NDST2: variants seen among roughly 807,000 people sequenced by gnomAD.
NDST2 encodes bifunctional heparan sulfate N-deacetylase/N-sulfotransferase 2.
Under a neutral mutation model 86.9 loss-of-function variants are expected in NDST2, and 32 were observed. That is an observed-to-expected ratio of 0.37 (90% CI 0.28 to 0.49). The LOEUF (loss-of-function observed/expected upper bound fraction) is 0.49. NDST2 is among the 20% of genes least tolerant of loss of function. NDST2 has a pLI of 0.97. For synonymous variants in NDST2, 409 were observed against 437.0 expected (o/e 0.94, Z 0.80); for missense variants, 950 against 1,146.9 (o/e 0.83, Z 2.48).
intron 12 of NDST2, 31 bp downstream of exon 12, chr10:73,803,158 A>G (rs1457932029): frequency 6.2e-7 from 1 of 1,613,552 alleles, no homozygotes; most frequent in Non-Finnish European, 8.5e-7. Flanking sequence ...GGGAAGGGGA[A>G]CCCCACTGAG....
chr10:73,806,016 G>A lies in NDST2; in HGVS notation c.1447C>T (p.Gln483Ter). 6.2e-7 allele frequency: 1 copy of A among 1,613,772 alleles called. No individual in the cohort carries two copies. Among genetic ancestry groups the A allele is most frequent in the Non-Finnish European group, 8.5e-7 (1 of 1,179,908 alleles). The change falls in exon 7 of 15, where the codon CAG becomes TAG. Residue 483 changes from glutamine to a stop codon, truncating the protein, a stop_gained. Transcript: ENST00000309979. LOFTEE classifies it high-confidence loss of function. This position sits in a 1 kb window ranked among gnomAD's most constrained non-coding sequence, Gnocchi z 4.5. ...GTGTGAGTGAAGAGGCCACATGTCTGCCGGGGCAGCACCTGGAGGGAAAAG... is the reference window on the plus strand; with the variant it reads ...GTGTGAGTGAAGAGGCCACATGTCTACCGGGGCAGCACCTGGAGGGAAAAG... ...IHNGIMVLPR[Q>*]TCGLFTHTIF...
Position 73,806,763 on chromosome 10 carries a change from T to C in NDST2, c.1142A>G (p.Lys381Arg). 4 of 1,614,090 alleles carry C rather than the reference T, an allele frequency of 2.5e-6. No individual in the cohort carries two copies. The highest frequency in any genetic ancestry group is 3.4e-6 in the Non-Finnish European group (4 of 1,180,014). The change falls in exon 5 of 15, where the codon AAA becomes AGA. Residue 381 changes from lysine (K) to arginine (R), a missense_variant. By Grantham distance (26) the Lys-to-Arg change is conservative. Coordinates refer to ENST00000309979, the MANE Select transcript of NDST2 (RefSeq NM_003635.4). The surrounding 1 kb of genome is among the most constrained non-coding windows in gnomAD (Gnocchi z 4.5). ...AGDDMLLKHR[K>R]EFWWFPHMWS... Reference sequence around the variant, plus strand: ...CATGTGGGGGAACCACCAGAACTCTTTGCGGTGCTTCAGCAGCATGTCGTC... The same window carrying C: ...CATGTGGGGGAACCACCAGAACTCTCTGCGGTGCTTCAGCAGCATGTCGTC...
intron 11 of NDST2, 100 bp from the exon 12 acceptor site, chr10:73,803,459 C>CA: frequency 6.5e-7 from 1 of 1,545,624 alleles, no homozygotes; most frequent in Non-Finnish European, 8.9e-7. Flanking sequence ...GGTACCCGTC[C>CA]CCAAGGCACT....
Position 73,803,354 on chromosome 10 carries a change from C to G in NDST2, c.2148G>C (p.Gln716His). Residue 716 changes from glutamine (Q) to histidine (H), a missense_variant, in exon 12 of 15, where the codon CAG becomes CAC. Around this residue, in one of 5 missense-constraint regions of NDST2, gnomAD observed 303 missense variants for 323.7 expected, o/e 0.94. Transcript: ENST00000309979. ...GAGCAACTGGGTCTCCATGGGCTCGCTGATGCTGAAGGACAAAGAGAAGGA... is the reference window on the plus strand; with the variant it reads ...GAGCAACTGGGTCTCCATGGGCTCGGTGATGCTGAAGGACAAAGAGAAGGA... ...ADRAYSWYQH[Q>H]RAHGDPVALN... The G allele has an allele frequency of 1.2e-6, 2 of 1,614,174 alleles. No individual in the cohort carries two copies. The highest frequency in any genetic ancestry group is 1.7e-6 in the Non-Finnish European group (2 of 1,180,016).
Position 73,806,324 on chromosome 10 carries a change from G to A in NDST2, c.1399C>T (p.Arg467Cys), listed in dbSNP as rs146157926. The part of the protein sequence containing the change: ...TEEYPHLRPA[R>C]YRRGFIHNGI... ...TTGTGAATGAAGCCACGGCGGTAGC[G>A]GGCAGGGCGGAGATGGGGATACTCC... Residue 467 changes from arginine (R) to cysteine (C), a missense_variant, in exon 6 of 15, where the codon CGC (arginine) becomes TGC (cysteine). This residue lies in a region of NDST2 where 586 missense variants were observed against 714.0 expected (regional missense o/e 0.82). Coordinates refer to ENST00000309979, the MANE Select transcript of NDST2 (RefSeq NM_003635.4). The surrounding 1 kb of genome is among the most constrained non-coding windows in gnomAD (Gnocchi z 4.5). 1.7e-5 allele frequency: 28 copies of A among 1,613,950 alleles called. No individual in the cohort carries two copies. The highest frequency in any genetic ancestry group is 4.5e-5 in the East Asian group (2 of 44,886).
intron 8 of NDST2, among the ~76,000 whole-genome samples, 174 bp from the exon 9 acceptor site, chr10:73,805,043 G>A (rs1589611736): frequency 6.6e-6 from 1 of 151,856 alleles, no homozygotes; most frequent in East Asian, 2.0e-4. Context: ...TGGGATTATA[G>A]GCAATGTGCC....
In NDST2 at chr10:73,802,086, C is replaced by G. The variant is rs2083990082; in HGVS notation, c.*365G>C. The G allele has an allele frequency of 5.4e-6, 2 of 373,196 alleles. No homozygotes were observed. The highest frequency in any genetic ancestry group is 2.5e-5 in the South Asian group (1 of 39,484). The allele number at this position is 373,196 out of a possible 1,614,324, so 23.1% of individuals were successfully genotyped here. ...AAAGGGGCCATAGCAAGGGGTCCCT[C>G]CCATGCAAGGGGTCTCTCCCATAGC... On this transcript the variant is annotated 3_prime_UTR_variant, in exon 15 of 15. Transcript: ENST00000309979.
Position 73,806,092 on chromosome 10 carries a change from T to C in NDST2, c.1435-64A>G. 3 of 1,591,328 alleles carry C rather than the reference T, an allele frequency of 1.9e-6. No homozygotes were observed. The highest frequency in any genetic ancestry group is 2.6e-6 in the Non-Finnish European group (3 of 1,165,990). On this transcript the variant is annotated intron_variant, in intron 6 of 14. Coordinates refer to ENST00000309979, the MANE Select transcript of NDST2 (RefSeq NM_003635.4). The surrounding 1 kb of genome is among the most constrained non-coding windows in gnomAD (Gnocchi z 4.5). Reference sequence around the variant, plus strand: ...AGAATGAGAAGTAGATGGAGGACACTGGGATTTATAGAGGACTGAGTCTGA... The same window carrying C: ...AGAATGAGAAGTAGATGGAGGACACCGGGATTTATAGAGGACTGAGTCTGA...
rs2084109606 is a variant in NDST2 at position 73,806,718 on chromosome 10, T to C, written c.1187A>G (p.His396Arg). 2 of 1,614,040 alleles carry C rather than the reference T, an allele frequency of 1.2e-6. No homozygotes were observed. Among genetic ancestry groups the C allele is most frequent in the Admixed American group, 1.7e-5 (1 of 59,998 alleles). Residue 396 changes from histidine to arginine, a missense_variant, in exon 5 of 15, where the codon CAC becomes CGC. Transcript: ENST00000309979. The surrounding 1 kb of genome is among the most constrained non-coding windows in gnomAD (Gnocchi z 4.5). ...CAGCACGGAGCGATTGTGGAACAGG[T>C]GTGGCTGCATGTGGCTCCACATGTG... Reference protein sequence around the residue: ...FPHMWSHMQPHLFHNRSVLAD... With the variant: ...FPHMWSHMQPRLFHNRSVLAD...
At chr10:73,807,064 AGG>A (rs367633572) in intron 4 of NDST2, 42 bp downstream of exon 4, 1 of 1,558,128 alleles carries the variant, frequency 6.4e-7, no homozygotes, top group East Asian at 2.2e-5. Flanking sequence ...GTGAAGGGAC[AGG>A]TCAAACTATG....
In NDST2 at chr10:73,807,802, C is replaced by G. The variant is rs757975846; in HGVS notation, c.587G>C (p.Gly196Ala). The change falls in exon 3 of 15, where the codon GGG (glycine) becomes GCG (alanine). Residue 196 changes from glycine to alanine, a missense_variant. Physicochemically the swap from Gly to Ala is moderately conservative, Grantham distance 60 (BLOSUM62 0). Coordinates refer to ENST00000309979, the MANE Select transcript of NDST2 (RefSeq NM_003635.4). ...GFPLFLHSNL[G>A]LRDYQVNPSA... ...AGGATTCACTTGGTAGTCCCGGAGC[C>G]CCAAGTTTGAGTGTAAAAAAAGGGG... is the stretch of plus-strand genomic sequence containing the variant. 1.9e-6 allele frequency: 3 copies of G among 1,614,066 alleles called. No individual in the cohort carries two copies. In the South Asian group the frequency reaches 3.3e-5, roughly 18 times the overall value.
Position 73,807,927 on chromosome 10 carries a change from C to T in NDST2, c.462G>A (p.Arg154=), listed in dbSNP as rs1222734671. Residue 154 remains arginine (R), a synonymous_variant, in exon 3 of 15, where the codon CGG becomes CGA. Coordinates refer to ENST00000309979, the MANE Select transcript of NDST2 (RefSeq NM_003635.4). The part of the protein sequence containing the change: ...LKYVNLDAWS[R]ELLDRYCVEY... ...CCACGCAGTACCGGTCTAGCAGTTC[C>T]CGACTCCAGGCATCCAGGTTGACAT... 1.9e-6 allele frequency: 3 copies of T among 1,614,114 alleles called. No individual in the cohort carries two copies. Among genetic ancestry groups the T allele is most frequent in the African/African-American group, 1.3e-5 (1 of 74,942 alleles).
At position 73,802,654 on chromosome 10, in the gene NDST2, C is replaced by G. The variant is rs955358695; in HGVS notation, c.2526+20G>C. On this transcript the variant is annotated intron_variant, in intron 14 of 14. Coordinates refer to ENST00000309979, the MANE Select transcript of NDST2 (RefSeq NM_003635.4). Reference sequence around the variant, plus strand: ...ATCCTGGAAGTGGAGAGGGATTCCCCTGCCCCTGGCTTTACTTACCTCAGT... The same window carrying G: ...ATCCTGGAAGTGGAGAGGGATTCCCGTGCCCCTGGCTTTACTTACCTCAGT... 2 of 1,614,004 alleles carry G rather than the reference C, an allele frequency of 1.2e-6. No homozygotes were observed. Among genetic ancestry groups the G allele is most frequent in the Non-Finnish European group, 1.7e-6 (2 of 1,179,956 alleles).
chr10:73,807,625 G>T lies in NDST2; in HGVS notation c.764C>A (p.Pro255Gln), dbSNP rs141985408. ...GGGAAGCCGGGCCCGACGAAGAACT[G>T]GTCCTGGCACTGCGGGCTCAGCTGG... Reference protein sequence around the residue: ...LRPAEPAVPGPVLRRARLPTV... With the variant: ...LRPAEPAVPGQVLRRARLPTV... The change falls in exon 3 of 15, where the codon CCA (proline) becomes CAA (glutamine). Residue 255 changes from proline to glutamine, a missense_variant. Pro to Gln is a moderately conservative substitution (Grantham distance 76). Coordinates refer to ENST00000309979, the MANE Select transcript of NDST2 (RefSeq NM_003635.4). 98 of 1,614,230 alleles carry T rather than the reference G, an allele frequency of 6.1e-5. No individual in the cohort carries two copies. In the African/African-American group the frequency reaches 1.1e-3, roughly 17 times the overall value.
At chr10:73,804,965 A>C (rs2084073556) in intron 8 of NDST2, 96 bp from the exon 9 acceptor site, 1 of 622,636 alleles carries the variant, frequency 1.6e-6, no homozygotes, top group Non-Finnish European at 2.8e-6. Context: ...GCAATGCATG[A>C]TCTCGGCTCA....
intron 2 of NDST2, among the ~76,000 whole-genome samples, chr10:73,810,322 G>C (rs1316732909): frequency 1.3e-5 from 2 of 152,132 alleles, no homozygotes; most frequent in African/African-American, 2.4e-5. Context: ...GATGGGCATG[G>C]TGGTGGGCGC....
intron 8 of NDST2, among the ~76,000 whole-genome samples, chr10:73,805,300 G>A (rs2084080530): frequency 6.6e-6 from 1 of 151,818 alleles, no homozygotes. Context: ...ATCACCTGCA[G>A]TCAGGAGTTC....
chr10:73,802,592 GA>G lies in NDST2; in HGVS notation c.2527-17del. 6.2e-7 allele frequency: 1 copy of G among 1,614,202 alleles called. No individual in the cohort carries two copies. ...AAAGACGGGACTGACAGGAGAAAATGAAGGCAGAAATGGTAAGAAGTGGGAC... is the reference window on the plus strand; with the variant it reads ...AAAGACGGGACTGACAGGAGAAAATGAGGCAGAAATGGTAAGAAGTGGGAC... On this transcript the variant is annotated splice_polypyrimidine_tract_variant and intron_variant, in intron 14 of 14. Coordinates refer to ENST00000309979, the MANE Select transcript of NDST2 (RefSeq NM_003635.4).
chr10:73,802,981 CGTG>C lies in NDST2; in HGVS notation c.2411_2413del (p.Thr804del). 1 of 1,614,076 alleles carries C rather than the reference CGTG, an allele frequency of 6.2e-7. No individual in the cohort carries two copies. Among genetic ancestry groups the C allele is most frequent in the Non-Finnish European group, 8.5e-7 (1 of 1,179,974 alleles). On this transcript the variant is annotated inframe_deletion, in exon 13 of 15. Transcript: ENST00000309979. ...GGTCATGCTCTCCCACCTGAGGGTC[CGTG>C]TGTAGTTCAGAAAGGGTGTGATACC...
Sources: gnomAD v4.1 joint callset for allele counts (sites outside exome capture counted in the v4.1 genomes callset) on GRCh38, gnomAD v4.1.1 for gene constraint, gnomAD v4.1.1 regional missense constraint, Gnocchi (gnomAD v3.1) non-coding constraint, MANE v1.5 for transcripts, NCBI Gene and HGNC (gene_info 2026-07-23, HGNC 2026-07-21) for gene names.